The following TRARG1 variants were observed in gnomAD, a reference collection of about 807,000 sequenced individuals.
The protein encoded by TRARG1 is trafficking regulator of GLUT4 (SLC2A4) 1 (gene/pseudogene), also known as trafficking regulator of GLUT4 1.
In TRARG1, 16 loss-of-function variants were observed where a neutral mutation model predicts 13.3. The ratio of observed to expected loss-of-function variants is 1.20; its 90% CI spans 0.81 to 1.83. The LOEUF is 1.83. Among genes scored for constraint, TRARG1 ranks in the 40% most tolerant of loss-of-function variants. The pLI, the probability that TRARG1 is intolerant of heterozygous loss-of-function variation, is 0.00. For missense variants in TRARG1, 250 were observed against 237.4 expected, an observed-to-expected ratio of 1.05 and a Z score of -0.35; for synonymous variants, 113 against 106.2, an observed-to-expected ratio of 1.06 and a Z score of -0.39.
chr17:1,299,441 G>C lies in TRARG1; in HGVS notation c.*1177G>C, dbSNP rs2072138881. The C allele has an allele frequency of 6.6e-6, 1 of 152,278 alleles. No individual in the cohort carries two copies. 9.4% of individuals were successfully genotyped at this position (152,278 alleles called of 1,614,324 possible). A position where few individuals can be genotyped will look rare whatever the true frequency, so the allele number is the denominator to read the frequency against. ...CTCAGCTGAAGGACCCCGTCTGCAG[G>C]AGAGTCGGGGGACCAGGTTTGGGAA... On this transcript the variant is annotated 3_prime_UTR_variant, in exon 3 of 3. Transcript: ENST00000333813.
At chr17:1,295,458 G>A (rs754826006) in intron 1 of TRARG1, 33 bp from the exon 2 acceptor site, 65 of 1,558,868 alleles carry the variant, frequency 4.2e-5, no homozygotes, top group East Asian at 3.4e-4. Flanking sequence ...CAGCCTTCCC[G>A]GTTCCCGGGG....
rs375089839 is a variant in TRARG1 at position 1,295,487 on chromosome 17, G to A, written c.388-4G>A. On this transcript the variant is annotated splice_polypyrimidine_tract_variant and splice_region_variant and intron_variant, in intron 1 of 2. Transcript: ENST00000333813. ...CCCGGGGTCTCTCTGTGCTCTCTCC[G>A]CAGTCTCGAAGCAGCATGCAACAGG... The A allele has an allele frequency of 6.4e-5, 103 of 1,600,958 alleles. No individual in the cohort carries two copies. The highest frequency in any genetic ancestry group is 1.7e-4 in the Middle Eastern group (1 of 6,036).
intron 1 of TRARG1, among the ~76,000 whole-genome samples, chr17:1,290,877 ATGAG>A (rs1347653781): frequency 1.3e-5 from 2 of 149,756 alleles, no homozygotes; most frequent in African/African-American, 4.9e-5. Context: ...TCTCGCGATA[ATGAG>A]TGAGTTCTCG....
chr17:1,286,778 T>C (rs895976816), intron 1 of TRARG1, among the ~76,000 whole-genome samples: 11 of 143,148 alleles, frequency 7.7e-5, no homozygotes, highest in African/African-American at 2.9e-4. Context: ...GGGGTGTTAT[T>C]GGCCTGTCAG....
intron 1 of TRARG1, among the ~76,000 whole-genome samples, chr17:1,282,031 T>C (rs1052252052): frequency 9.5e-5 from 13 of 137,544 alleles, no homozygotes; most frequent in East Asian, 4.5e-4. Context: ...CATATGTACA[T>C]ATATACACAC....
At chr17:1,290,673 G>A (rs1002196148) in intron 1 of TRARG1, among the ~76,000 whole-genome samples, 4 of 152,124 alleles carry the variant, frequency 2.6e-5, no homozygotes, top group East Asian at 1.9e-4. Context: ...TCTGTGCTCT[G>A]CCCCCATCTC....
chr17:1,290,356 C>T (rs543661880), intron 1 of TRARG1, among the ~76,000 whole-genome samples: 11 of 152,250 alleles, frequency 7.2e-5, no homozygotes, highest in African/African-American at 2.2e-4. Flanking sequence ...AGTGCAATGG[C>T]GTGATCTCAG....
rs976111180 is a variant in TRARG1 at position 1,299,257 on chromosome 17, C to G, written c.*993C>G. The G allele has an allele frequency of 6.6e-6, 1 of 152,398 alleles. No individual in the cohort carries two copies. Among genetic ancestry groups the G allele is most frequent in the Non-Finnish European group, 1.5e-5 (1 of 68,180 alleles). The allele number at this position is 152,398 out of a possible 1,614,324, so 9.4% of individuals were successfully genotyped here. ...CCCTGGGCCCCTGGCCATCCACAAA[C>G]AGCAGAGGCCTTCCCTGGAGGAGGC... On this transcript the variant is annotated 3_prime_UTR_variant, in exon 3 of 3. Transcript: ENST00000333813.
chr17:1,280,462 C>T, intron 1 of TRARG1, 74 bp downstream of exon 1: 1 of 1,412,116 alleles, frequency 7.1e-7, no homozygotes, highest in Non-Finnish European at 9.5e-7. Flanking sequence ...AGGCAGGCAC[C>T]AAACACTGCC....
chr17:1,281,335 T>C (rs1315725720), intron 1 of TRARG1, among the ~76,000 whole-genome samples: 1 of 150,710 alleles, frequency 6.6e-6, no homozygotes, highest in African/African-American at 2.4e-5. Context: ...GGTAGAAAAC[T>C]GCTGGCCCAG....
At chr17:1,289,492 C>T (rs1229843268) in intron 1 of TRARG1, among the ~76,000 whole-genome samples, 1 of 146,566 alleles carries the variant, frequency 6.8e-6, no homozygotes, top group African/African-American at 2.6e-5. Context: ...GTAAGCATGA[C>T]CAGCATTGCC....
At chr17:1,292,891 C>T (rs1012403593) in intron 1 of TRARG1, among the ~76,000 whole-genome samples, 1 of 152,178 alleles carries the variant, frequency 6.6e-6, no homozygotes, top group Admixed American at 6.6e-5. Context: ...CGCGCTGCTG[C>T]GTCCTGGGGT....
At chr17:1,293,359 G>A (rs2072086619) in intron 1 of TRARG1, among the ~76,000 whole-genome samples, 1 of 152,142 alleles carries the variant, frequency 6.6e-6, no homozygotes, top group Non-Finnish European at 1.5e-5. Context: ...TCACGGAGAG[G>A]GAGGAGCGGA....
At chr17:1,296,646 G>T (rs2072112689) in intron 2 of TRARG1, among the ~76,000 whole-genome samples, 1 of 151,858 alleles carries the variant, frequency 6.6e-6, no homozygotes. Flanking sequence ...CGAGTAGCTG[G>T]GCTTACAGGT....
intron 1 of TRARG1, among the ~76,000 whole-genome samples, chr17:1,285,820 G>A (rs748283967): frequency 3.3e-4 from 50 of 152,124 alleles, no homozygotes; most frequent in Admixed American, 1.0e-3. Context: ...TAGGGGGAGG[G>A]CCGAGGGGAG....
rs145523411 is a variant in TRARG1, at chr17:1,290,391, G to A, written c.388-5100G>A. Among the ~76,000 whole-genome samples, 787 of 152,262 alleles carry A rather than the reference G, an allele frequency of 5.2e-3. 6 individuals carry two copies. The highest frequency in any genetic ancestry group is 4.9e-3 in the Non-Finnish European group (335 of 68,022). ...GCTCACTGCAGCCTCCGCCTCCCAG[G>A]CTCAAGTGATCCTCCTGCTTCAGCC... On this transcript the variant is annotated intron_variant, in intron 1 of 2. Transcript: ENST00000333813.
In TRARG1 at chr17:1,282,172, ATACACGTGCGTATATGTACGTG is replaced by A. The variant is rs1306841046; in HGVS notation, c.387+1806_387+1827del. Among the ~76,000 whole-genome samples the A allele has an allele frequency of 8.1e-3, 1,180 of 146,186 alleles. 63 individuals are homozygous for A. The highest frequency in any genetic ancestry group is 0.022 in the African/African-American group (845 of 38,010). ...CGTATACACGTGCATATATGTACGT[ATACACGTGCGTATATGTACGTG>A]TACACGTGCGTATATGTACGTATAC... On this transcript the variant is annotated intron_variant, in intron 1 of 2. Coordinates refer to ENST00000333813, the MANE Select transcript of TRARG1 (RefSeq NM_172367.3).
At position 1,296,344 on chromosome 17, in the gene TRARG1, C is replaced by G. The variant is rs1165917246; in HGVS notation, c.520+721C>G. 2.0e-5 allele frequency among the ~76,000 whole-genome samples: 3 copies of G among 151,600 alleles called. No homozygotes were observed. The East Asian group carries it at 5.8e-4, about 29-fold the overall frequency. ...CCTGAGTAGCTGGGATTACAGGCAC[C>G]AGCCACCACGCCCGACTAATTTTTG... On this transcript the variant is annotated intron_variant, in intron 2 of 2. Transcript: ENST00000333813.
chr17:1,280,536 C>G, intron 1 of TRARG1, 148 bp downstream of exon 1: 1 of 897,132 alleles, frequency 1.1e-6, no homozygotes, highest in Non-Finnish European at 1.7e-6. Context: ...CCTCACTGGC[C>G]TCCTCCTTCC....
Sources: allele counts gnomAD v4.1 joint callset (sites outside exome capture counted in the v4.1 genomes callset), GRCh38; gene constraint gnomAD v4.1.1; transcripts MANE v1.5; gene names NCBI Gene and HGNC (gene_info 2026-07-23, HGNC 2026-07-21).